EIF4G3: variants seen among roughly 807,000 people sequenced by gnomAD.
EIF4G3 encodes eukaryotic translation initiation factor 4 gamma 3, also known as eIF-4-gamma 3.
EIF4G3 carries 34 observed loss-of-function variants against 186.4 expected under a neutral mutation model. The observed-to-expected ratio is 0.18, with a 90% CI of 0.14 to 0.24. EIF4G3 has a LOEUF of 0.24. Among genes scored for constraint, EIF4G3 ranks in the 10% least tolerant of loss-of-function variants. EIF4G3 has a pLI of 1.00. For missense variants in EIF4G3, 1,536 were observed against 1,948.5 expected, an observed-to-expected ratio of 0.79 and a Z score of 3.99; for synonymous variants, 673 against 679.5, an observed-to-expected ratio of 0.99 and a Z score of 0.15.
chr1:20,833,799 T>C (rs924625645), intron 30 of EIF4G3, among the ~76,000 whole-genome samples: 2 of 152,178 alleles, frequency 1.3e-5, no homozygotes, highest in African/African-American at 4.8e-5. Flanking sequence ...ATGGGACGTA[T>C]TTCAACATAA....
intron 4 of EIF4G3, among the ~76,000 whole-genome samples, chr1:21,019,299 C>T (rs903618423): frequency 2.6e-5 from 4 of 152,250 alleles, no homozygotes; most frequent in South Asian, 4.1e-4. Flanking sequence ...GGTTGTCAGA[C>T]GAATACATAT....
At chr1:21,090,763 A>G (rs1338761046) in intron 2 of EIF4G3, among the ~76,000 whole-genome samples, 3 of 152,242 alleles carry the variant, frequency 2.0e-5, no homozygotes, top group South Asian at 2.1e-4. Context: ...TCTAATGTTC[A>G]GCATAAGCAA....
At chr1:20,863,378 T>TAAAAA (rs3051243) in intron 22 of EIF4G3, among the ~76,000 whole-genome samples, 7 of 102,476 alleles carry the variant, frequency 6.8e-5, no homozygotes, top group South Asian at 2.9e-4. Context: ...CTACAAAAAG[T>TAAAAA]AAAAAAAAAA....
chr1:21,021,675 C>G (rs2154570895), intron 4 of EIF4G3, among the ~76,000 whole-genome samples: 1 of 152,236 alleles, frequency 6.6e-6, no homozygotes, highest in East Asian at 1.9e-4. Context: ...CCTACCTCAG[C>G]CTTCCAAGTA....
intron 4 of EIF4G3, among the ~76,000 whole-genome samples, chr1:21,043,926 TATTAGAA>T (rs1175045917): frequency 6.7e-6 from 1 of 150,302 alleles, no homozygotes; most frequent in Non-Finnish European, 1.5e-5. Flanking sequence ...ATGAAACACC[TATTAGAA>T]AAACATTTGG....
intron 14 of EIF4G3, among the ~76,000 whole-genome samples, chr1:20,911,675 C>G (rs904043191): frequency 1.3e-5 from 2 of 150,700 alleles, no homozygotes; most frequent in Non-Finnish European, 2.9e-5. Flanking sequence ...ATAAATCTGA[C>G]AGCAATTTTT....
intron 10 of EIF4G3, among the ~76,000 whole-genome samples, chr1:20,979,345 T>C (rs1366972265): frequency 1.3e-5 from 2 of 152,220 alleles, no homozygotes; most frequent in Non-Finnish European, 2.9e-5. Context: ...ATCACAATTT[T>C]GCGGAGAATC....
intron 2 of EIF4G3, among the ~76,000 whole-genome samples, chr1:21,115,415 G>C (rs1170287895): frequency 6.6e-6 from 1 of 152,120 alleles, no homozygotes; most frequent in Non-Finnish European, 1.5e-5. Context: ...ACAATAGTAA[G>C]ATCAAAGATC....
At chr1:21,061,239 C>G (rs77849663) in intron 3 of EIF4G3, among the ~76,000 whole-genome samples, 2,672 of 152,094 alleles carry the variant, frequency 0.018, 83 homozygotes, top group East Asian at 0.13. Context: ...ACCACTTCAG[C>G]AGCCCTAATC....
intron 3 of EIF4G3, chr1:21,073,750 G>C: frequency 2.2e-6 from 1 of 461,726 alleles, no homozygotes; most frequent in Non-Finnish European, 4.3e-6. Flanking sequence ...AGTCTATGAT[G>C]GTATTGTCAC....
chr1:20,863,234 C>T (rs1193391581), intron 22 of EIF4G3, among the ~76,000 whole-genome samples: 1 of 151,926 alleles, frequency 6.6e-6, no homozygotes, highest in African/African-American at 2.4e-5. Flanking sequence ...CTAGGGCCTT[C>T]CTAAAGAGAC....
At chr1:20,947,277 G>A (rs1170624453) in intron 13 of EIF4G3, among the ~76,000 whole-genome samples, 1 of 151,964 alleles carries the variant, frequency 6.6e-6, no homozygotes, top group Non-Finnish European at 1.5e-5. Flanking sequence ...CTGGGAGGTG[G>A]AGGCTGCAGT....
chr1:21,112,716 A>G (rs1360934011), intron 2 of EIF4G3, among the ~76,000 whole-genome samples: 1 of 152,174 alleles, frequency 6.6e-6, no homozygotes, highest in Non-Finnish European at 1.5e-5. Context: ...GCAGCATTTC[A>G]TTTCAAAATA....
At position 20,865,188 on chromosome 1, in the gene EIF4G3, C is replaced by T. The variant is rs199672503; in HGVS notation, c.2697G>A (p.Lys899=). 5.6e-6 allele frequency: 9 copies of T among 1,614,152 alleles called. No individual in the cohort carries two copies. In the South Asian group the frequency reaches 7.7e-5, roughly 14 times the overall value. ...CATCTGCTTTATCTTTTTCAAACTC[C>T]TTCTGGCAACGGTTCAGTAGCAGCT... ...FRKLLLNRCQ[K]EFEKDKADDD... The change falls in exon 21 of 37, where the codon AAG becomes AAA. Residue 899 remains lysine (K), a synonymous_variant. Coordinates refer to ENST00000602326, the MANE Select transcript of EIF4G3 (RefSeq NM_001391906.1).
chr1:20,958,829 G>T (rs1266564787), intron 12 of EIF4G3, among the ~76,000 whole-genome samples: 1 of 151,980 alleles, frequency 6.6e-6, no homozygotes, highest in African/African-American at 2.4e-5. Context: ...AAATACCTAG[G>T]AATATACTTA....
At chr1:21,137,028 T>C (rs1355867198) in intron 2 of EIF4G3, among the ~76,000 whole-genome samples, 1 of 126,892 alleles carries the variant, frequency 7.9e-6, no homozygotes, top group Admixed American at 9.1e-5. Flanking sequence ...TTGAGTCAAA[T>C]ATTATTAAAA....
At chr1:20,917,850 A>G (rs998014665) in intron 14 of EIF4G3, among the ~76,000 whole-genome samples, 2 of 152,200 alleles carry the variant, frequency 1.3e-5, no homozygotes, top group African/African-American at 4.8e-5. Flanking sequence ...CTATTACACA[A>G]CTATCAAAAT....
intron 32 of EIF4G3, among the ~76,000 whole-genome samples, chr1:20,827,324 C>T (rs1024074720): frequency 6.6e-6 from 1 of 152,160 alleles, no homozygotes; most frequent in Non-Finnish European, 1.5e-5. Context: ...TCTATTAAAA[C>T]ATATAAATGA....
intron 3 of EIF4G3, among the ~76,000 whole-genome samples, chr1:21,073,154 T>G (rs966758339): frequency 1.3e-5 from 2 of 152,164 alleles, no homozygotes; most frequent in Non-Finnish European, 2.9e-5. Context: ...TGCTAATAAA[T>G]ATGAGTATTT....
Sources: allele counts gnomAD v4.1 joint callset (sites outside exome capture counted in the v4.1 genomes callset), GRCh38; gene constraint gnomAD v4.1.1; transcripts MANE v1.5; gene names NCBI Gene and HGNC (gene_info 2026-07-23, HGNC 2026-07-21).